Variants in ZNF236 observed in about 807,000 individuals in gnomAD.
The protein encoded by ZNF236 is zinc finger protein 236, also known as regulated by glucose.
In ZNF236, 50 loss-of-function variants were observed where a neutral mutation model predicts 191.2. The observed-to-expected ratio is 0.26, with a 90% CI of 0.21 to 0.33. ZNF236 has a LOEUF of 0.33. ZNF236 is among the 10% of genes least tolerant of loss of function. The probability of loss-of-function intolerance (pLI) is 1.00; values close to 1 mark genes in which losing one functional copy is unlikely to be tolerated. For missense variants in ZNF236, 1,754 were observed against 2,374.5 expected, an observed-to-expected ratio of 0.74 and a Z score of 5.43; for synonymous variants, 907 against 928.8, an observed-to-expected ratio of 0.98 and a Z score of 0.43.
Position 76,868,963 on chromosome 18 carries a change from A to G in ZNF236, c.542+100A>G, listed in dbSNP as rs927305578. Reference sequence around the variant, plus strand: ...CTGGAAATATTTGCTGCAAGAACCCAGCAAAGTGGAACCCCACAGATAATT... The same window carrying G: ...CTGGAAATATTTGCTGCAAGAACCCGGCAAAGTGGAACCCCACAGATAATT... On this transcript the variant is annotated intron_variant, in intron 4 of 30. Coordinates refer to ENST00000320610, the MANE Select transcript of ZNF236 (RefSeq NM_001306089.2). 7.7e-6 allele frequency: 9 copies of G among 1,170,604 alleles called. No individual in the cohort carries two copies. In the African/African-American group the frequency reaches 7.7e-5, roughly 10 times the overall value. 72.5% of individuals were successfully genotyped at this position (1,170,604 alleles called of 1,614,324 possible). A position where few individuals can be genotyped will look rare whatever the true frequency, so the allele number is the denominator to read the frequency against.
chr18:76,823,346 C>T (rs866091154), intron 1 of ZNF236, among the ~76,000 whole-genome samples: 21 of 150,500 alleles, frequency 1.4e-4, no homozygotes, highest in Non-Finnish European at 2.8e-4. Context: ...CCTCTGCAGA[C>T]GCTGTGGGTA....
At chr18:76,837,934 A>G (rs561773486) in intron 1 of ZNF236, among the ~76,000 whole-genome samples, 3 of 152,310 alleles carry the variant, frequency 2.0e-5, no homozygotes, top group Middle Eastern at 3.4e-3. Flanking sequence ...TTATGTCAAG[A>G]CACATTAAAA....
intron 9 of ZNF236, among the ~76,000 whole-genome samples, chr18:76,882,265 G>A (rs1455573489): frequency 6.6e-6 from 1 of 152,154 alleles, no homozygotes; most frequent in Non-Finnish European, 1.5e-5. Flanking sequence ...CGTCATTCAA[G>A]CATCTTCAGT....
chr18:76,930,877 C>A (rs1967827206), intron 25 of ZNF236, among the ~76,000 whole-genome samples: 1 of 152,152 alleles, frequency 6.6e-6, no homozygotes, highest in South Asian at 2.1e-4. Context: ...TAAAATACTT[C>A]ACAGCTTAAA....
intron 1 of ZNF236, chr18:76,824,362 G>A: frequency 1.3e-6 from 1 of 781,116 alleles, no homozygotes; most frequent in South Asian, 1.3e-5. Flanking sequence ...CACCTCATGG[G>A]CCTTTGTGGG....
chr18:76,901,618 C>T (rs890342520), intron 11 of ZNF236, among the ~76,000 whole-genome samples: 11 of 152,082 alleles, frequency 7.2e-5, no homozygotes, highest in African/African-American at 2.7e-4. Context: ...ATTAGCCGGG[C>T]GTGGTGGCAG....
rs1296503407 is a variant in ZNF236 at position 76,970,948 on chromosome 18, G to T, written c.*2609G>T. Among the ~76,000 whole-genome samples the T allele has an allele frequency of 6.6e-6, 1 of 152,266 alleles. No homozygotes were observed. ...AGCGAGCCGTGGGCGTCAGCACAGT[G>T]CCCTGTGCATGTGTCAGAACTGTTC... On this transcript the variant is annotated 3_prime_UTR_variant, in exon 31 of 31. Transcript: ENST00000320610.
chr18:76,915,297 C>T (rs1271250638), intron 18 of ZNF236, among the ~76,000 whole-genome samples: 2 of 152,040 alleles, frequency 1.3e-5, no homozygotes, highest in African/African-American at 4.8e-5. Context: ...GGGTAGAATC[C>T]ACATGTTGCC....
Position 76,879,797 on chromosome 18 carries a change from TA to T in ZNF236, c.985-311del, listed in dbSNP as rs552618419. Among the ~76,000 whole-genome samples, 16 of 152,324 alleles carry T rather than the reference TA, an allele frequency of 1.1e-4. No individual in the cohort carries two copies. The South Asian group carries it at 3.3e-3, about 32-fold the overall frequency. On this transcript the variant is annotated intron_variant, in intron 7 of 30. Coordinates refer to ENST00000320610, the MANE Select transcript of ZNF236 (RefSeq NM_001306089.2). Reference sequence around the variant, plus strand: ...TTTAAATTTGTGTAACTTGATATTTTAAAAATTCCTTCACTTCAATTTTATG... The same window carrying T: ...TTTAAATTTGTGTAACTTGATATTTTAAAATTCCTTCACTTCAATTTTATG...
At chr18:76,831,018 C>G (rs1355889731) in intron 1 of ZNF236, among the ~76,000 whole-genome samples, 1 of 152,208 alleles carries the variant, frequency 6.6e-6, no homozygotes, top group Non-Finnish European at 1.5e-5. Context: ...TCTCTCCTCA[C>G]AGTTTCTCCT....
intron 1 of ZNF236, among the ~76,000 whole-genome samples, chr18:76,837,173 G>A (rs1289174433): frequency 1.6e-5 from 2 of 125,512 alleles, no homozygotes; most frequent in African/African-American, 6.1e-5. Context: ...TGGAATTACA[G>A]GCATGTGCTG....
rs75263892 is a variant in ZNF236 at position 76,826,883 on chromosome 18, A to G, written c.55+4221A>G. ...ATGTACACTAATTCCTGTATTCAAC[A>G]ACTATTTTTTTGTTTTTGTTTTTGT... On this transcript the variant is annotated intron_variant, in intron 1 of 30. Transcript: ENST00000320610. Among the ~76,000 whole-genome samples, 92 of 151,696 alleles carry G rather than the reference A, an allele frequency of 6.1e-4. 1 individual carries two copies. The highest frequency in any genetic ancestry group is 2.1e-3 in the African/African-American group (89 of 41,446).
At position 76,947,509 on chromosome 18, in the gene ZNF236, A is replaced by G; in HGVS notation, c.4783-12A>G. 6.2e-7 allele frequency: 1 copy of G among 1,610,270 alleles called. No homozygotes were observed. The highest frequency in any genetic ancestry group is 8.5e-7 in the Non-Finnish European group (1 of 1,178,692). On this transcript the variant is annotated splice_polypyrimidine_tract_variant and intron_variant, in intron 26 of 30. Transcript: ENST00000320610. ...AGTTACAACTTCTGAAATAGTACTA[A>G]TCTTTTGCCAGGGTCAGCAGTTCCC... is the stretch of plus-strand genomic sequence containing the variant.
chr18:76,832,135 A>G (rs965815257), intron 1 of ZNF236, among the ~76,000 whole-genome samples: 6 of 152,170 alleles, frequency 3.9e-5, no homozygotes, highest in Non-Finnish European at 7.3e-5. Flanking sequence ...GCTCAAGTGC[A>G]GTAGTGTGAT....
At chr18:76,837,429 T>C (rs1033027502) in intron 1 of ZNF236, among the ~76,000 whole-genome samples, 1 of 145,290 alleles carries the variant, frequency 6.9e-6, no homozygotes, top group African/African-American at 2.6e-5. Context: ...TTTTTTCTTT[T>C]TCTTTTTCTT....
intron 3 of ZNF236, among the ~76,000 whole-genome samples, chr18:76,858,225 A>C (rs2122549148): frequency 6.6e-6 from 1 of 152,352 alleles, no homozygotes; most frequent in African/African-American, 2.4e-5. Context: ...CATAGTATGT[A>C]GCGATGGCAT....
intron 14 of ZNF236, among the ~76,000 whole-genome samples, chr18:76,908,873 C>G (rs1425617822): frequency 1.3e-5 from 2 of 152,050 alleles, no homozygotes; most frequent in Admixed American, 6.5e-5. Context: ...AATTTTAGGA[C>G]TGCAGCAAAA....
chr18:76,902,327 A>G (rs1977617524), intron 11 of ZNF236, among the ~76,000 whole-genome samples: 1 of 152,222 alleles, frequency 6.6e-6, no homozygotes, highest in Non-Finnish European at 1.5e-5. Flanking sequence ...GAGTTTGATA[A>G]AAACATGGTA....
intron 30 of ZNF236, among the ~76,000 whole-genome samples, chr18:76,963,257 GA>G (rs1252933157): frequency 6.6e-6 from 1 of 152,022 alleles, no homozygotes; most frequent in Non-Finnish European, 1.5e-5. Context: ...CTTGTATGCC[GA>G]TTTTCCTGGG....
Sources: gnomAD v4.1 joint callset for allele counts (sites outside exome capture counted in the v4.1 genomes callset) on GRCh38, gnomAD v4.1.1 for gene constraint, MANE v1.5 for transcripts, NCBI Gene and HGNC (gene_info 2026-07-23, HGNC 2026-07-21) for gene names.